The following EPS15 variants were observed in gnomAD, a reference collection of about 807,000 sequenced individuals.
The protein encoded by EPS15 is epidermal growth factor receptor substrate 15.
EPS15 carries 72 observed loss-of-function variants against 113.8 expected under a neutral mutation model. That is an observed-to-expected ratio of 0.63 (90% CI 0.52 to 0.77). The LOEUF (loss-of-function observed/expected upper bound fraction) is 0.77, where lower values mean the gene tolerates loss of function less well. Ranked by LOEUF, EPS15 falls within the 30% of genes least tolerant of loss-of-function variation. EPS15 has a pLI of 0.00. For missense variants in EPS15, 1,048 were observed against 1,045.8 expected (o/e 1.00, Z -0.03); for synonymous variants, 344 against 363.4 (o/e 0.95, Z 0.61).
At chr1:51,511,713 A>G (rs1473443988) in intron 1 of EPS15, among the ~76,000 whole-genome samples, 1 of 152,294 alleles carries the variant, frequency 6.6e-6, no homozygotes. Context: ...CCAAAATCTC[A>G]AAGTGCCAAG....
intron 1 of EPS15, among the ~76,000 whole-genome samples, chr1:51,514,649 A>T (rs937944614): frequency 6.6e-6 from 1 of 152,310 alleles, no homozygotes; most frequent in Non-Finnish European, 1.5e-5. Flanking sequence ...TTTTTCTATT[A>T]CACGTTAGTC....
chr1:51,424,369 ATC>A (rs905118866), intron 12 of EPS15, among the ~76,000 whole-genome samples: 8 of 152,196 alleles, frequency 5.3e-5, no homozygotes, highest in Non-Finnish European at 8.8e-5. Flanking sequence ...ATCTAAACAT[ATC>A]TTTGTGTGCA....
chr1:51,508,877 T>C lies in EPS15; in HGVS notation c.33+10322A>G, dbSNP rs1570454249. ...AAAATACAATTTAACTTGAATCAAATGTTCCTATAGATTTATGTTATCCTT... is the reference window on the plus strand; with the variant it reads ...AAAATACAATTTAACTTGAATCAAACGTTCCTATAGATTTATGTTATCCTT... On this transcript the variant is annotated intron_variant, in intron 1 of 24. Coordinates refer to ENST00000371733, the MANE Select transcript of EPS15 (RefSeq NM_001981.3). Among the ~76,000 whole-genome samples, 3 of 152,330 alleles carry C rather than the reference T, an allele frequency of 2.0e-5. 1 individual carries two copies. The highest frequency in any genetic ancestry group is 2.0e-4 in the Admixed American group (3 of 15,306).
chr1:51,369,776 A>G (rs1557772524), intron 21 of EPS15, among the ~76,000 whole-genome samples: 1 of 152,286 alleles, frequency 6.6e-6, no homozygotes, highest in South Asian at 2.1e-4. Context: ...TATTTGACAT[A>G]TATTTGTTCA....
chr1:51,511,729 G>A (rs1258310667), intron 1 of EPS15, among the ~76,000 whole-genome samples: 2 of 152,146 alleles, frequency 1.3e-5, no homozygotes, highest in Non-Finnish European at 1.5e-5. Flanking sequence ...CCAAGGCTGA[G>A]AAACCATGAT....
At chr1:51,415,698 A>T (rs577111958) in intron 13 of EPS15, among the ~76,000 whole-genome samples, 2,295 of 144,798 alleles carry the variant, frequency 0.016, 22 homozygotes, top group Non-Finnish European at 0.024. Flanking sequence ...TGGGAGGCTG[A>T]GGCAGGAGAA....
intron 1 of EPS15, among the ~76,000 whole-genome samples, chr1:51,489,625 C>T (rs974719749): frequency 1.3e-5 from 2 of 152,086 alleles, no homozygotes; most frequent in African/African-American, 4.8e-5. Flanking sequence ...CTCTTGTATA[C>T]ACAGAGTATA....
chr1:51,382,263 A>G (rs1646957519), intron 21 of EPS15: 1 of 152,312 alleles, frequency 6.6e-6, no homozygotes, highest in East Asian at 1.9e-4. Flanking sequence ...GAATTGACTC[A>G]TAACTAATAA....
intron 1 of EPS15, among the ~76,000 whole-genome samples, chr1:51,513,005 AT>A (rs987189842): frequency 5.7e-4 from 86 of 149,890 alleles, no homozygotes; most frequent in African/African-American, 2.0e-3. Flanking sequence ...ATTAAAAAAA[AT>A]TTTTTTTTTG....
At chr1:51,440,502 A>G (rs1357118228) in intron 11 of EPS15, 70 bp from the exon 12 acceptor site, 3 of 645,850 alleles carry the variant, frequency 4.6e-6, no homozygotes, top group Non-Finnish European at 7.8e-6. Flanking sequence ...CACTAAAAAT[A>G]TTAAAGCTCT....
At chr1:51,471,573 C>A in intron 4 of EPS15, 117 bp downstream of exon 4, 1 of 777,924 alleles carries the variant, frequency 1.3e-6, no homozygotes. Flanking sequence ...TTGCCCTAGG[C>A]AAAACTCTAA....
chr1:51,370,459 A>C (rs760243187), intron 21 of EPS15, among the ~76,000 whole-genome samples: 46 of 152,274 alleles, frequency 3.0e-4, no homozygotes, highest in Admixed American at 7.8e-4. Context: ...TTGGAGCATC[A>C]TATCAGTGCT....
At chr1:51,430,732 G>C (rs1426862865) in intron 12 of EPS15, among the ~76,000 whole-genome samples, 1 of 151,950 alleles carries the variant, frequency 6.6e-6, no homozygotes, top group Non-Finnish European at 1.5e-5. Context: ...GAAGTGGGAG[G>C]ACCACTTGAG....
intron 1 of EPS15, among the ~76,000 whole-genome samples, chr1:51,508,385 A>AAAGAAAGAAAGG (rs1557537547): frequency 1.4e-4 from 21 of 146,372 alleles, no homozygotes; most frequent in African/African-American, 5.0e-4. Flanking sequence ...AGAAAGAAAG[A>AAAGAAAGAAAGG]GAAAATTTAA....
At chr1:51,478,997 T>G (rs2148520128) in intron 2 of EPS15, among the ~76,000 whole-genome samples, 1 of 152,338 alleles carries the variant, frequency 6.6e-6, no homozygotes, top group South Asian at 2.1e-4. Context: ...AATTTGAATG[T>G]TGGCCTGCCT....
In EPS15 at chr1:51,472,863, C is replaced by T; in HGVS notation, c.161G>A (p.Gly54Glu). Residue 54 changes from glycine (G) to glutamate (E), a missense_variant, in exon 3 of 25, where the codon GGA (glycine) becomes GAA (glutamate). By Grantham distance (98) the Gly-to-Glu change is moderately conservative. Transcript: ENST00000371733. ...KKSGLPDLIL[G>E]KIWDLADTDG... ...GTTATAATGAACGAATACTACCTTT[C>T]CAAGTATCAAGTCTGGAAGCCCTGA... is the stretch of plus-strand genomic sequence containing the variant. 1 of 1,609,924 alleles carries T rather than the reference C, an allele frequency of 6.2e-7. No individual in the cohort carries two copies.
chr1:51,474,327 T>C (rs1655449228), intron 2 of EPS15, among the ~76,000 whole-genome samples: 1 of 152,232 alleles, frequency 6.6e-6, no homozygotes, highest in Non-Finnish European at 1.5e-5. Flanking sequence ...AAGACATACA[T>C]AGTCTGAATT....
chr1:51,495,919 A>G (rs1403307299), intron 1 of EPS15, among the ~76,000 whole-genome samples: 1 of 152,238 alleles, frequency 6.6e-6, no homozygotes, highest in Non-Finnish European at 1.5e-5. Flanking sequence ...AGAAAAATAT[A>G]AGCTCTGCAC....
intron 13 of EPS15, among the ~76,000 whole-genome samples, chr1:51,413,101 T>A (rs1217279054): frequency 6.6e-6 from 1 of 152,198 alleles, no homozygotes; most frequent in African/African-American, 2.4e-5. Flanking sequence ...GAAGACCCTA[T>A]TCCTTCTCCA....
Sources: gnomAD v4.1 joint callset for allele counts (sites outside exome capture counted in the v4.1 genomes callset) on GRCh38, gnomAD v4.1.1 for gene constraint, MANE v1.5 for transcripts, NCBI Gene and HGNC (gene_info 2026-07-23, HGNC 2026-07-21) for gene names.